IKZF2: variants seen among roughly 807,000 people sequenced by gnomAD.
IKZF2 encodes the protein IKAROS family zinc finger 2, also known as zinc finger protein Helios.
Under a neutral mutation model 49.2 loss-of-function variants are expected in IKZF2, and 15 were observed. The observed-to-expected ratio is 0.30, with a 90% CI of 0.20 to 0.47. The LOEUF (loss-of-function observed/expected upper bound fraction) is 0.47. Among genes scored for constraint, IKZF2 ranks in the 20% least tolerant of loss-of-function variants. IKZF2 has a pLI of 1.00. For missense variants in IKZF2, 567 were observed against 664.6 expected (o/e 0.85, Z 1.61); for synonymous variants, 227 against 221.4 (o/e 1.03, Z -0.23).
In IKZF2 at chr2:213,000,279, T is replaced by A. The variant is rs891027564; in HGVS notation, c.*7081A>T. The stretch of plus-strand genomic sequence containing the variant: ...ATATATATATATATATATTTCTTTT[T>A]TAAACAATAGTTTTTATTTCCCCAA... On this transcript the variant is annotated 3_prime_UTR_variant, in exon 9 of 9. Transcript: ENST00000434687. 4 of 147,852 alleles carry A rather than the reference T, an allele frequency of 2.7e-5. No individual in the cohort carries two copies. Among genetic ancestry groups the A allele is most frequent in the African/African-American group, 9.8e-5 (4 of 40,910 alleles). The allele number at this position is 147,852 out of a possible 1,614,324, so 9.2% of individuals were successfully genotyped here. A position where few individuals can be genotyped will look rare whatever the true frequency, so the allele number is the denominator to read the frequency against.
chr2:213,117,230 A>C (rs563629168), intron 4 of IKZF2, among the ~76,000 whole-genome samples: 1 of 152,306 alleles, frequency 6.6e-6, no homozygotes, highest in East Asian at 1.9e-4. Flanking sequence ...GCCTTACGAG[A>C]TACTGCCATT....
At position 213,003,638 on chromosome 2, in the gene IKZF2, T is replaced by C. The variant is rs1205677172; in HGVS notation, c.*3722A>G. 6.6e-6 allele frequency: 1 copy of C among 151,730 alleles called. No individual in the cohort carries two copies. The highest frequency in any genetic ancestry group is 6.6e-5 in the Admixed American group (1 of 15,190). 9.4% of individuals were successfully genotyped at this position (151,730 alleles called of 1,614,324 possible). ...AAATCATTTTGGAGATAGGATGAAA[T>C]AAAATTTGGAAGATAGTGAGAACAT... On this transcript the variant is annotated 3_prime_UTR_variant, in exon 9 of 9. Coordinates refer to ENST00000434687, the MANE Select transcript of IKZF2 (RefSeq NM_001387220.1).
rs1403153327 is a variant in IKZF2 at position 213,001,259 on chromosome 2, T to C, written c.*6101A>G. On this transcript the variant is annotated 3_prime_UTR_variant, in exon 9 of 9. Coordinates refer to ENST00000434687, the MANE Select transcript of IKZF2 (RefSeq NM_001387220.1). The stretch of plus-strand genomic sequence containing the variant: ...GGAGACCCCCTCCAAACCTGGAATA[T>C]TATTATAGTAATGTTAAAGCATTTT... The C allele has an allele frequency of 6.6e-6, 1 of 151,908 alleles. No individual in the cohort carries two copies. The highest frequency in any genetic ancestry group is 1.5e-5 in the Non-Finnish European group (1 of 67,582). 9.4% of individuals were successfully genotyped at this position (151,908 alleles called of 1,614,324 possible).
intron 7 of IKZF2, chr2:213,014,183 G>A: frequency 3.8e-6 from 1 of 263,780 alleles, no homozygotes; most frequent in Non-Finnish European, 7.2e-6. Flanking sequence ...CACTATTGGT[G>A]GCAAACTTGT....
At chr2:213,088,103 C>T (rs10165353) in intron 4 of IKZF2, among the ~76,000 whole-genome samples, 53,159 of 152,120 alleles carry the variant, frequency 0.35, 11,676 homozygotes, top group East Asian at 0.71. Flanking sequence ...AATGGTTGAA[C>T]TAGTTTACAG....
chr2:213,113,855 G>A (rs2059790896), intron 4 of IKZF2, among the ~76,000 whole-genome samples: 1 of 152,130 alleles, frequency 6.6e-6, no homozygotes, highest in Non-Finnish European at 1.5e-5. Context: ...GGAGGGGCAA[G>A]GATACACAAG....
chr2:213,016,870 G>A (rs1371470820), intron 7 of IKZF2: 1 of 152,088 alleles, frequency 6.6e-6, no homozygotes. Flanking sequence ...TAGCTCCTGA[G>A]CAGGAGAGGG....
intron 4 of IKZF2, among the ~76,000 whole-genome samples, chr2:213,077,666 C>T (rs1325949574): frequency 7.1e-6 from 1 of 140,596 alleles, no homozygotes; most frequent in Non-Finnish European, 1.5e-5. Flanking sequence ...CGGCTCACTG[C>T]AAGCTCCACC....
intron 4 of IKZF2, among the ~76,000 whole-genome samples, chr2:213,065,779 C>A (rs1702105765): frequency 6.6e-6 from 1 of 152,002 alleles, no homozygotes; most frequent in African/African-American, 2.4e-5. Flanking sequence ...TGACCAAATT[C>A]TTGCTATTTC....
chr2:213,015,698 T>C (rs937790400), intron 7 of IKZF2, among the ~76,000 whole-genome samples: 1 of 151,010 alleles, frequency 6.6e-6, no homozygotes, highest in African/African-American at 2.4e-5. Context: ...GAAATAACAA[T>C]AAAACTAAAA....
rs781606680 is a variant in IKZF2, at chr2:213,148,540, G to C, written c.34+56C>G. The C allele has an allele frequency of 2.5e-6, 3 of 1,192,744 alleles. No homozygotes were observed. The African/African-American group carries it at 4.6e-5, about 18-fold the overall frequency. The allele number at this position is 1,192,744 out of a possible 1,614,324, so 73.9% of individuals were successfully genotyped here. A position where few individuals can be genotyped will look rare whatever the true frequency, so the allele number is the denominator to read the frequency against. ...TTCATAATCCAGGAATTAAAACACA[G>C]GTAATACAAAGGCAACTTTATTACC... On this transcript the variant is annotated intron_variant, in intron 3 of 8. Transcript: ENST00000434687.
chr2:213,139,981 C>T (rs181619973), intron 4 of IKZF2, among the ~76,000 whole-genome samples: 6 of 152,028 alleles, frequency 3.9e-5, no homozygotes, highest in African/African-American at 1.4e-4. Flanking sequence ...CATTTGGACC[C>T]TTGAAGATAC....
chr2:213,148,055 T>C (rs2061142695), intron 3 of IKZF2, among the ~76,000 whole-genome samples: 1 of 152,236 alleles, frequency 6.6e-6, no homozygotes, highest in South Asian at 2.1e-4. Flanking sequence ...ACATAAGTTG[T>C]TGATTTCTAA....
At chr2:213,141,265 G>A (rs192954690) in intron 4 of IKZF2, among the ~76,000 whole-genome samples, 3 of 151,950 alleles carry the variant, frequency 2.0e-5, no homozygotes, top group Admixed American at 6.6e-5. Context: ...CATTGAAACA[G>A]CCTGTTAAAT....
chr2:213,146,334 T>C (rs954508083), intron 4 of IKZF2, among the ~76,000 whole-genome samples: 1 of 152,114 alleles, frequency 6.6e-6, no homozygotes, highest in Non-Finnish European at 1.5e-5. Context: ...AGATTCATTA[T>C]GAGATTAGTA....
At chr2:213,034,709 CA>C (rs1232844514) in intron 6 of IKZF2, among the ~76,000 whole-genome samples, 1 of 152,090 alleles carries the variant, frequency 6.6e-6, no homozygotes, top group Non-Finnish European at 1.5e-5. Context: ...ACAAAACAGA[CA>C]TAATAATGAG....
At chr2:213,040,338 C>G (rs57595880) in intron 6 of IKZF2, among the ~76,000 whole-genome samples, 2,019 of 151,884 alleles carry the variant, frequency 0.013, 18 homozygotes, top group Middle Eastern at 0.045. Context: ...TCGTCCCACC[C>G]TCTACTCTCC....
At chr2:213,020,992 C>T (rs1245591405) in intron 7 of IKZF2, among the ~76,000 whole-genome samples, 2 of 152,142 alleles carry the variant, frequency 1.3e-5, no homozygotes, top group Non-Finnish European at 2.9e-5. Context: ...GCGGGCAGCT[C>T]ACCTGAGGTC....
At chr2:213,035,433 A>T (rs899100551) in intron 6 of IKZF2, among the ~76,000 whole-genome samples, 7 of 152,178 alleles carry the variant, frequency 4.6e-5, no homozygotes, top group Admixed American at 2.6e-4. Flanking sequence ...TATAAACTAA[A>T]CACCAACATA....
Sources: allele counts gnomAD v4.1 joint callset (sites outside exome capture counted in the v4.1 genomes callset), GRCh38; gene constraint gnomAD v4.1.1; transcripts MANE v1.5; gene names NCBI Gene and HGNC (gene_info 2026-07-23, HGNC 2026-07-21).